The following CES1 variants were observed in gnomAD, a reference collection of about 807,000 sequenced individuals.
The protein encoded by CES1 is liver carboxylesterase 1.
Under a neutral mutation model 53.0 loss-of-function variants are expected in CES1, and 50 were observed. That is an observed-to-expected ratio of 0.94 (90% CI 0.75 to 1.19). The LOEUF (loss-of-function observed/expected upper bound fraction) is 1.19, where lower values mean the gene tolerates loss of function less well. CES1 is among the 50% of genes most tolerant of loss of function. CES1 has a pLI of 0.00. For missense variants in CES1, 534 were observed against 538.0 expected (o/e 0.99, Z 0.07); for synonymous variants, 202 against 210.1 (o/e 0.96, Z 0.33).
At position 55,820,053 on chromosome 16, in the gene CES1, C is replaced by T. The variant is rs1187186333; in HGVS notation, c.801+319G>A. ...CATCACTGCCCAACATGGCACCAGG[C>T]CCTGGCACATAGGAGGAGTGTGGTC... is the stretch of plus-strand genomic sequence containing the variant. On this transcript the variant is annotated intron_variant, in intron 6 of 13. Coordinates refer to ENST00000360526, the MANE Select transcript of CES1 (RefSeq NM_001025195.2). 5.2e-6 allele frequency: 3 copies of T among 573,494 alleles called. No homozygotes were observed. In the African/African-American group the frequency reaches 5.7e-5, roughly 11 times the overall value. The allele number at this position is 573,494 out of a possible 1,614,324, so 35.5% of individuals were successfully genotyped here. A position where few individuals can be genotyped will look rare whatever the true frequency, so the allele number is the denominator to read the frequency against.
intron 7 of CES1, among the ~76,000 whole-genome samples, chr16:55,818,562 G>T (rs1164892079): frequency 6.6e-6 from 1 of 151,980 alleles, no homozygotes; most frequent in Non-Finnish European, 1.5e-5. Flanking sequence ...TGGCTCCTCC[G>T]CCTTCTCTGT....
Position 55,810,608 on chromosome 16 carries a change from G to C in CES1, c.1227C>G (p.Asp409Glu), listed in dbSNP as rs769840249. 1.9e-6 allele frequency: 3 copies of C among 1,613,990 alleles called. No homozygotes were observed. In the South Asian group the frequency reaches 3.3e-5, roughly 18 times the overall value. The change falls in exon 11 of 14, where the codon GAC (aspartate) becomes GAG (glutamate). Residue 409 changes from aspartate to glutamate, a missense_variant. By Grantham distance (45) the Asp-to-Glu change is conservative. Around this residue, in one of 5 missense-constraint regions of CES1, gnomAD observed 269 missense variants for 206.6 expected, o/e 1.30. Coordinates refer to ENST00000360526, the MANE Select transcript of CES1 (RefSeq NM_001025195.2). Reference protein sequence around the residue: ...EATEKYLGGTDDTVKKKDLFL... With the variant: ...EATEKYLGGTEDTVKKKDLFL... ...ACAGGTCTTTCTTTTTGACAGTGTC[G>C]TCTGTTCCTCCTAAGTATTTCTCAG...
chr16:55,820,550 G>A, intron 5 of CES1, 71 bp from the exon 6 acceptor site: 1 of 1,610,608 alleles, frequency 6.2e-7, no homozygotes, highest in Non-Finnish European at 8.5e-7. Context: ...GCTATTCCAG[G>A]CTAGATCTAC....
intron 8 of CES1, among the ~76,000 whole-genome samples, chr16:55,814,845 T>C (rs2031864760): frequency 3.9e-5 from 6 of 152,248 alleles, no homozygotes; most frequent in African/African-American, 1.4e-4. Context: ...CAGACCTAGC[T>C]GGACAAGATC....
At position 55,819,521 on chromosome 16, in the gene CES1, A is replaced by T. The variant is rs1382461990; in HGVS notation, c.906+14T>A. 6.3e-7 allele frequency: 1 copy of T among 1,594,736 alleles called. No individual in the cohort carries two copies. The highest frequency in any genetic ancestry group is 1.3e-5 in the African/African-American group (1 of 74,352). ...AAGTTTACAGGGTTTGGGCTACGGG[A>T]ACAGGCAACCTACCATTTTCAATGT... On this transcript the variant is annotated intron_variant, in intron 7 of 13. Coordinates refer to ENST00000360526, the MANE Select transcript of CES1 (RefSeq NM_001025195.2).
Position 55,821,449 on chromosome 16 carries a change from G to T in CES1, c.612C>A (p.Asp204Glu), listed in dbSNP as rs2307227. The T allele has an allele frequency of 0.033, 53,633 of 1,613,892 alleles. 1,154 individuals carry two copies. Among genetic ancestry groups the T allele is most frequent in the Middle Eastern group, 0.085 (518 of 6,060 alleles). ...DQVAALRWVQ[D>E]NIASFGGNPG... ...GGTTCCCTCCAAAGCTGGCAATGTT[G>T]TCCTGGACCCAGCGCAGGGCAGCCA... Residue 204 changes from aspartate (D) to glutamate (E), a missense_variant, in exon 5 of 14, where the codon GAC becomes GAA. Around this residue, in one of 5 missense-constraint regions of CES1, gnomAD observed 85 missense variants for 81.9 expected, o/e 1.04. Transcript: ENST00000360526.
At chr16:55,820,190 G>T in intron 6 of CES1, 182 bp downstream of exon 6, 2 of 584,834 alleles carry the variant, frequency 3.4e-6, no homozygotes, top group South Asian at 3.9e-5. Context: ...GGTTTGCCTG[G>T]CTGTGAAACT....
At chr16:55,821,595 TA>T (rs2032201405) in intron 4 of CES1, 74 bp from the exon 5 acceptor site, 4 of 1,543,864 alleles carry the variant, frequency 2.6e-6, no homozygotes, top group Admixed American at 1.7e-5. Flanking sequence ...CAGATGGGGC[TA>T]GGGGTTCTCA....
At chr16:55,830,524 A>G (rs1235171157) in intron 1 of CES1, among the ~76,000 whole-genome samples, 13 of 152,168 alleles carry the variant, frequency 8.5e-5, no homozygotes, top group African/African-American at 3.1e-4. Flanking sequence ...AGACTTGGAG[A>G]CCAGGCACAG....
intron 3 of CES1, among the ~76,000 whole-genome samples, chr16:55,825,788 T>C (rs1400867410): frequency 3.3e-5 from 5 of 152,224 alleles, no homozygotes; most frequent in African/African-American, 4.8e-5. Context: ...AGTTGGGGTG[T>C]TGGCTTTTCT....
intron 1 of CES1, among the ~76,000 whole-genome samples, chr16:55,832,073 T>G (rs1351926993): frequency 1.3e-5 from 2 of 152,210 alleles, no homozygotes; most frequent in Non-Finnish European, 2.9e-5. Flanking sequence ...CCCTGGCCAC[T>G]ACCCACCTGC....
At chr16:55,830,572 G>A (rs1416524954) in intron 1 of CES1, among the ~76,000 whole-genome samples, 4 of 152,168 alleles carry the variant, frequency 2.6e-5, no homozygotes, top group African/African-American at 9.7e-5. Flanking sequence ...GGAGGCCAAG[G>A]CAGGCAGATC....
intron 11 of CES1, among the ~76,000 whole-genome samples, chr16:55,809,819 C>T (rs1384890467): frequency 6.6e-6 from 1 of 152,216 alleles, no homozygotes; most frequent in Non-Finnish European, 1.5e-5. Context: ...GCAGCTGGCT[C>T]AGACCTTAAA....
intron 11 of CES1, among the ~76,000 whole-genome samples, chr16:55,810,171 G>C (rs534816616): frequency 2.6e-5 from 4 of 152,088 alleles, no homozygotes; most frequent in Admixed American, 6.5e-5. Context: ...CTGTATTCTT[G>C]GTGTTTCCTT....
chr16:55,827,277 C>CAATAAAATAATAAT (rs1555513627), intron 2 of CES1, among the ~76,000 whole-genome samples: 1 of 143,796 alleles, frequency 7.0e-6, no homozygotes, highest in Non-Finnish European at 1.5e-5. Flanking sequence ...AGAGGAATAA[C>CAATAAAATAATAAT]AATAATAATA....
chr16:55,818,416 A>G (rs2142330690), intron 7 of CES1, among the ~76,000 whole-genome samples: 1 of 152,346 alleles, frequency 6.6e-6, no homozygotes, highest in Admixed American at 6.5e-5. Context: ...ACATGGGGCA[A>G]TTACAAAATT....
intron 11 of CES1, 34 bp downstream of exon 11, chr16:55,810,483 T>C (rs1205356108): frequency 1.2e-6 from 2 of 1,613,442 alleles, no homozygotes; most frequent in African/African-American, 2.7e-5. Context: ...GCTCGTGGGG[T>C]TTGTGTCCCT....
rs2032127700 is a variant in CES1 at position 55,820,457 on chromosome 16, T to G, written c.716A>C (p.Asn239Thr). The G allele has an allele frequency of 6.3e-7, 1 of 1,586,194 alleles. No individual in the cohort carries two copies. Among genetic ancestry groups the G allele is most frequent in the East Asian group, 2.3e-5 (1 of 44,358 alleles). ...SVLVLSPLAKNLFHRAISESG... is the reference protein window; with the variant it reads ...SVLVLSPLAKTLFHRAISESG... ...CTCAGAAATGGCCCGGTGGAAGAGG[T>G]TCTTGGCCAATGGAGACAAAACCTG... The change falls in exon 6 of 14, where the codon AAC becomes ACC. Residue 239 changes from asparagine (N) to threonine (T), a missense_variant. Around this residue, in one of 5 missense-constraint regions of CES1, gnomAD observed 12 missense variants for 37.2 expected, o/e 0.32. Coordinates refer to ENST00000360526, the MANE Select transcript of CES1 (RefSeq NM_001025195.2).
chr16:55,828,891 G>T lies in CES1; in HGVS notation c.136C>A (p.Gln46Lys). Residue 46 changes from glutamine to lysine, a missense_variant, in exon 2 of 14, where the codon CAG (glutamine) becomes AAG (lysine). This residue lies in a region of CES1 where 164 missense variants were observed against 162.4 expected (regional missense o/e 1.01). Transcript: ENST00000360526. ...ATTCCCAGGAAAATGGCCACAGGCTGTGCAAATCCTTCTAAGCTGACGAAC... is the reference window on the plus strand; with the variant it reads ...ATTCCCAGGAAAATGGCCACAGGCTTTGCAAATCCTTCTAAGCTGACGAAC... ...GKFVSLEGFA[Q>K]PVAIFLGIPF... 6.2e-7 allele frequency: 1 copy of T among 1,614,190 alleles called. No individual in the cohort carries two copies. The highest frequency in any genetic ancestry group is 8.5e-7 in the Non-Finnish European group (1 of 1,180,002).
Sources: allele counts gnomAD v4.1 joint callset (sites outside exome capture counted in the v4.1 genomes callset), GRCh38; gene constraint gnomAD v4.1.1; regional missense constraint gnomAD v4.1.1; transcripts MANE v1.5; gene names NCBI Gene and HGNC (gene_info 2026-07-23, HGNC 2026-07-21).